The following CFAP46 variants were observed in gnomAD, a reference collection of about 807,000 sequenced individuals.
CFAP46 encodes cilia and flagella associated protein 46, also known as cilia- and flagella-associated protein 46.
In CFAP46, 245 loss-of-function variants were observed where a neutral mutation model predicts 325.7. That is an observed-to-expected ratio of 0.75 (90% CI 0.68 to 0.84). CFAP46 has a LOEUF of 0.84. CFAP46 is among the 40% of genes least tolerant of loss of function. The pLI is 0.00. For synonymous variants in CFAP46, 1,523 were observed against 1,495.9 expected (o/e 1.02, Z -0.42); for missense variants, 3,346 against 3,543.0 (o/e 0.94, Z 1.41).
intron 50 of CFAP46, among the ~76,000 whole-genome samples, chr10:132,822,920 GAT>G (rs142125744): frequency 0.01 from 1,351 of 134,006 alleles, no homozygotes; most frequent in South Asian, 0.042. Flanking sequence ...TGTGAGTGCT[GAT>G]GTGTGCTGAT....
At position 132,808,856 on chromosome 10, in the gene CFAP46, G is replaced by C. The variant is rs61733295; in HGVS notation, c.7713C>G (p.Leu2571=). The change falls in exon 58 of 58, where the codon CTC becomes CTG. Residue 2571 remains leucine, a synonymous_variant. Coordinates refer to ENST00000368586, the MANE Select transcript of CFAP46 (RefSeq NM_001200049.3). This position sits in a 1 kb window ranked among gnomAD's most constrained non-coding sequence, Gnocchi z 6.8. The part of the protein sequence containing the change: ...LEGQAAAAPK[L]RAPSHHAQLG... ...GTTGAGCGTGGTGGGAAGGAGCTCG[G>C]AGCTTTGGAGCAGCAGCAGCTTGTC... is the stretch of plus-strand genomic sequence containing the variant. 1,001 of 1,601,162 alleles carry C rather than the reference G, an allele frequency of 6.3e-4. 5 individuals carry two copies. In the African/African-American group the frequency reaches 9.4e-3, roughly 15 times the overall value.
Position 132,885,086 on chromosome 10 carries a change from C to T in CFAP46, c.3627+17G>A, listed in dbSNP as rs764989992. ...GGACAAATTTTACCACGTGCACCCA[C>T]GCTTACGGCTTCACACCTGCAAGGC... On this transcript the variant is annotated intron_variant, in intron 27 of 57. Transcript: ENST00000368586. 6.5e-6 allele frequency: 10 copies of T among 1,536,570 alleles called. No individual in the cohort carries two copies. The highest frequency in any genetic ancestry group is 4.1e-5 in the African/African-American group (3 of 72,632).
At chr10:132,861,170 C>G (rs1053575992) in intron 35 of CFAP46, among the ~76,000 whole-genome samples, 188 bp from the exon 36 acceptor site, 1 of 152,240 alleles carries the variant, frequency 6.6e-6, no homozygotes, top group Admixed American at 6.5e-5. Context: ...CCCTCGCACT[C>G]CCTGGCAGGA....
In CFAP46 at chr10:132,908,603, G is replaced by C; in HGVS notation, c.2789C>G (p.Ser930Trp). ...LVKMASECNWSDPLVELQTLT... is the reference protein window; with the variant it reads ...LVKMASECNWWDPLVELQTLT... ...GGTCTGCAGCTCCACCAGGGGGTCC[G>C]ACCAGTTGCACTCGGAAGCCATTTT... The change falls in exon 22 of 58, where the codon TCG becomes TGG. Residue 930 changes from serine (S) to tryptophan (W), a missense_variant. Transcript: ENST00000368586. 6.5e-7 allele frequency: 1 copy of C among 1,545,338 alleles called. No individual in the cohort carries two copies. Among genetic ancestry groups the C allele is most frequent in the Non-Finnish European group, 8.7e-7 (1 of 1,143,826 alleles).
At position 132,916,951 on chromosome 10, in the gene CFAP46, G is replaced by A. The variant is rs191237616; in HGVS notation, c.1987-269C>T. Reference sequence around the variant, plus strand: ...GAGCACCGCACACCCCAGCAGCCCCGAAGGACCAACAGTGGCTTCCCGGTA... The same window carrying A: ...GAGCACCGCACACCCCAGCAGCCCCAAAGGACCAACAGTGGCTTCCCGGTA... On this transcript the variant is annotated intron_variant, in intron 16 of 57. Coordinates refer to ENST00000368586, the MANE Select transcript of CFAP46 (RefSeq NM_001200049.3). Among the ~76,000 whole-genome samples, 521 of 152,304 alleles carry A rather than the reference G, an allele frequency of 3.4e-3. 6 individuals are homozygous for A. Among genetic ancestry groups the A allele is most frequent in the African/African-American group, 8.8e-3 (364 of 41,560 alleles).
Position 132,828,530 on chromosome 10 carries a change from G to A in CFAP46, c.7117+4828C>T, listed in dbSNP as rs1435030739. Among the ~76,000 whole-genome samples the A allele has an allele frequency of 2.6e-5, 4 of 151,946 alleles. No individual in the cohort carries two copies. Among genetic ancestry groups the A allele is most frequent in the Admixed American group, 2.0e-4 (3 of 15,248 alleles). ...AAGTATCTGTTCAAATCTTTTTTAGGGTTGTTTCTTTCTTATTATTCAGTT... is the reference window on the plus strand; with the variant it reads ...AAGTATCTGTTCAAATCTTTTTTAGAGTTGTTTCTTTCTTATTATTCAGTT... On this transcript the variant is annotated intron_variant, in intron 50 of 57. Coordinates refer to ENST00000368586, the MANE Select transcript of CFAP46 (RefSeq NM_001200049.3). The surrounding 1 kb of genome is among the most constrained non-coding windows in gnomAD (Gnocchi z 4.9).
chr10:132,912,588 T>TTTCAA, intron 19 of CFAP46, 67 bp downstream of exon 19: 1 of 1,325,546 alleles, frequency 7.5e-7, no homozygotes, highest in Non-Finnish European at 9.9e-7. Context: ...TCCTCTCCTC[T>TTTCAA]CTCTCTCTCC....
In CFAP46 at chr10:132,877,925, C is replaced by T. The variant is rs948855197; in HGVS notation, c.4168G>A (p.Asp1390Asn). 1.3e-6 allele frequency: 2 copies of T among 1,550,236 alleles called. No individual in the cohort carries two copies. The highest frequency in any genetic ancestry group is 2.4e-5 in the East Asian group (1 of 40,896). The change falls in exon 30 of 58, where the codon GAC becomes AAC. Residue 1390 changes from aspartate to asparagine, a missense_variant. Physicochemically the swap from Asp to Asn is conservative, Grantham distance 23. Coordinates refer to ENST00000368586, the MANE Select transcript of CFAP46 (RefSeq NM_001200049.3). The surrounding 1 kb of genome is among the most constrained non-coding windows in gnomAD (Gnocchi z 5.7). The stretch of plus-strand genomic sequence containing the variant: ...TTCTCCTCCTTTCCCTTCTCCTTGT[C>T]CTTCTCTTTACTCCTCTCATTCTCC... Reference protein sequence around the residue: ...EKENERSKEKDKEKGKEEKVK... With the variant: ...EKENERSKEKNKEKGKEEKVK...
At chr10:132,917,279 A>T (rs941956069) in intron 16 of CFAP46, among the ~76,000 whole-genome samples, 2 of 152,228 alleles carry the variant, frequency 1.3e-5, no homozygotes, top group East Asian at 3.8e-4. Flanking sequence ...ACCCACTGAG[A>T]AAGTCCACAG....
At chr10:132,851,963 T>C (rs112135370) in intron 39 of CFAP46, among the ~76,000 whole-genome samples, 569 of 147,156 alleles carry the variant, frequency 3.9e-3, no homozygotes, top group South Asian at 0.015. Context: ...TGTTCCTCCA[T>C]TTACTTAGGA....
At chr10:132,809,251 C>T (rs575019089) in intron 57 of CFAP46, among the ~76,000 whole-genome samples, 2 of 152,332 alleles carry the variant, frequency 1.3e-5, no homozygotes, top group South Asian at 4.1e-4. Context: ...CCCTTTTGAA[C>T]AGTGACAGTC....
At chr10:132,931,818 GCCT>G in intron 8 of CFAP46, among the ~76,000 whole-genome samples, 1 of 131,284 alleles carries the variant, frequency 7.6e-6, no homozygotes, top group East Asian at 2.4e-4. Flanking sequence ...CAGAGCCTGG[GCCT>G]TCCTCTTCCC....
At position 132,909,134 on chromosome 10, in the gene CFAP46, T is replaced by C. The variant is rs1182991421; in HGVS notation, c.2757+3A>G. 4 of 1,546,854 alleles carry C rather than the reference T, an allele frequency of 2.6e-6. No individual in the cohort carries two copies. Among genetic ancestry groups the C allele is most frequent in the Non-Finnish European group, 3.5e-6 (4 of 1,144,928 alleles). On this transcript the variant is annotated splice_donor_region_variant and intron_variant, in intron 21 of 57. Coordinates refer to ENST00000368586, the MANE Select transcript of CFAP46 (RefSeq NM_001200049.3). ...GCCTCCCGGGACCCCTGGGGACACC[T>C]ACCTGGGCCAGGGAGGGGACAGTGA...
chr10:132,902,417 A>G (rs1225696372), intron 22 of CFAP46, among the ~76,000 whole-genome samples: 1 of 152,216 alleles, frequency 6.6e-6, no homozygotes, highest in Non-Finnish European at 1.5e-5. Flanking sequence ...CAGCCTGATG[A>G]TAACACTCTT....
chr10:132,829,065 T>C (rs1448589119), intron 50 of CFAP46, among the ~76,000 whole-genome samples: 8 of 139,406 alleles, frequency 5.7e-5, no homozygotes, highest in Admixed American at 3.0e-4. Flanking sequence ...ACTTTTAGAA[T>C]AAGCTTGTTA....
intron 50 of CFAP46, among the ~76,000 whole-genome samples, chr10:132,829,536 C>G (rs999712520): frequency 6.6e-6 from 1 of 152,170 alleles, no homozygotes; most frequent in South Asian, 2.1e-4. Flanking sequence ...TTTCTTCCTG[C>G]CTCTCTACTC....
At position 132,828,538 on chromosome 10, in the gene CFAP46, C is replaced by T. The variant is rs931714600; in HGVS notation, c.7117+4820G>A. The stretch of plus-strand genomic sequence containing the variant: ...GTTCAAATCTTTTTTAGGGTTGTTT[C>T]TTTCTTATTATTCAGTTTTGAGAGT... On this transcript the variant is annotated intron_variant, in intron 50 of 57. Transcript: ENST00000368586. The surrounding 1 kb of genome is among the most constrained non-coding windows in gnomAD (Gnocchi z 4.9). Among the ~76,000 whole-genome samples, 1 of 152,016 alleles carries T rather than the reference C, an allele frequency of 6.6e-6. No individual in the cohort carries two copies. Among genetic ancestry groups the T allele is most frequent in the Non-Finnish European group, 1.5e-5 (1 of 67,990 alleles).
Position 132,846,892 on chromosome 10 carries a change from A to T in CFAP46, c.6267+40T>A, listed in dbSNP as rs765075154. 8.9e-5 allele frequency: 140 copies of T among 1,575,550 alleles called. 2 individuals are homozygous for T. The South Asian group carries it at 1.3e-3, about 15-fold the overall frequency. On this transcript the variant is annotated intron_variant, in intron 43 of 57. Transcript: ENST00000368586. ...TGAAGCCCAGGGTCCTCCCTCCTCC[A>T]TGAAGGGCCTGGCTGGAGGTGGGCA... is the stretch of plus-strand genomic sequence containing the variant.
intron 44 of CFAP46, 59 bp downstream of exon 44, chr10:132,845,998 T>G (rs1848428276): frequency 6.5e-7 from 1 of 1,539,038 alleles, no homozygotes; most frequent in African/African-American, 1.4e-5. Flanking sequence ...GCGGCTGCAG[T>G]GTCTGTCCAC....
Sources: gnomAD v4.1 joint callset for allele counts (sites outside exome capture counted in the v4.1 genomes callset) on GRCh38, gnomAD v4.1.1 for gene constraint, Gnocchi (gnomAD v3.1) non-coding constraint, MANE v1.5 for transcripts, NCBI Gene and HGNC (gene_info 2026-07-23, HGNC 2026-07-21) for gene names.